The following SLIT3 variants were observed in gnomAD, a reference collection of about 807,000 sequenced individuals.
The protein encoded by SLIT3 is slit guidance ligand 3, also known as slit homolog 3 protein.
SLIT3 carries 68 observed loss-of-function variants against 184.0 expected under a neutral mutation model. The ratio of observed to expected loss-of-function variants is 0.37; its 90% CI spans 0.30 to 0.45. SLIT3 has a LOEUF of 0.45. SLIT3 is among the 20% of genes least tolerant of loss of function. The pLI is 1.00. For synonymous variants in SLIT3, 831 were observed against 828.6 expected (o/e 1.00, Z -0.05); for missense variants, 1,707 against 2,026.0 (o/e 0.84, Z 3.02).
At position 168,666,231 on chromosome 5, in the gene SLIT3, G is replaced by GATGGTGTAATATATTTATAT; in HGVS notation, c.*203_*222dup. 2 of 426,138 alleles carry GATGGTGTAATATATTTATAT rather than the reference G, an allele frequency of 4.7e-6. No homozygotes were observed. The highest frequency in any genetic ancestry group is 8.2e-6 in the Non-Finnish European group (2 of 244,626). 26.4% of individuals were successfully genotyped at this position (426,138 alleles called of 1,614,324 possible). On this transcript the variant is annotated 3_prime_UTR_variant, in exon 36 of 36. Transcript: ENST00000519560. ...ACTCACTATATGGTACATATACGCAGATGGTGTAATATATTTATATAATAA... is the reference window on the plus strand; with the variant it reads ...ACTCACTATATGGTACATATACGCAGATGGTGTAATATATTTATATATGGTGTAATATATTTATATAATAA...
intron 4 of SLIT3, among the ~76,000 whole-genome samples, chr5:169,028,141 C>T (rs1382967748): frequency 6.6e-6 from 1 of 151,952 alleles, no homozygotes; most frequent in Non-Finnish European, 1.5e-5. Context: ...GAGTTTAATC[C>T]CCAAATATTC....
At chr5:168,694,866 G>C (rs946516925) in intron 28 of SLIT3, among the ~76,000 whole-genome samples, 4 of 152,330 alleles carry the variant, frequency 2.6e-5, no homozygotes, top group East Asian at 1.9e-4. Flanking sequence ...TGATCTGCCT[G>C]CCTTGGCCTC....
At chr5:168,804,919 G>T (rs901901143) in intron 9 of SLIT3, among the ~76,000 whole-genome samples, 2 of 152,108 alleles carry the variant, frequency 1.3e-5, no homozygotes, top group African/African-American at 4.8e-5. Context: ...AGCCACACTG[G>T]CCTTCTGGAG....
At chr5:168,688,943 T>G (rs1761826754) in intron 29 of SLIT3, among the ~76,000 whole-genome samples, 1 of 152,234 alleles carries the variant, frequency 6.6e-6, no homozygotes, top group African/African-American at 2.4e-5. Context: ...AAGCCTGGAC[T>G]TCAAGGCTAC....
At chr5:169,251,598 G>A (rs1765776315) in intron 1 of SLIT3, 139 bp from the exon 2 acceptor site, 1 of 661,926 alleles carries the variant, frequency 1.5e-6, no homozygotes. Context: ...CCTTGAGCGT[G>A]CCCGGCTAAC....
intron 4 of SLIT3, among the ~76,000 whole-genome samples, chr5:168,955,975 G>C (rs1053699792): frequency 2.0e-5 from 3 of 152,252 alleles, no homozygotes; most frequent in Non-Finnish European, 4.4e-5. Flanking sequence ...AAGCATCTGG[G>C]CTGTGTCCAT....
At chr5:168,787,409 G>A (rs898798526) in intron 11 of SLIT3, among the ~76,000 whole-genome samples, 2 of 152,136 alleles carry the variant, frequency 1.3e-5, no homozygotes, top group Non-Finnish European at 2.9e-5. Flanking sequence ...CTGCCTGTGT[G>A]GTCTCCTCAG....
intron 4 of SLIT3, among the ~76,000 whole-genome samples, chr5:168,971,948 G>A (rs1313586805): frequency 6.6e-6 from 1 of 152,208 alleles, no homozygotes; most frequent in Non-Finnish European, 1.5e-5. Flanking sequence ...TAGGGAAATA[G>A]GGAACACATA....
chr5:168,748,535 CCT>C (rs1419990389), intron 19 of SLIT3, 101 bp from the exon 20 acceptor site: 8 of 1,189,784 alleles, frequency 6.7e-6, no homozygotes, highest in Non-Finnish European at 7.8e-6. Flanking sequence ...CAAGTTGTCC[CCT>C]GTCCCCGCTG....
intron 16 of SLIT3, among the ~76,000 whole-genome samples, chr5:168,757,101 G>T (rs1486609609): frequency 2.0e-5 from 3 of 152,176 alleles, no homozygotes; most frequent in Non-Finnish European, 4.4e-5. Flanking sequence ...AAACACTCCA[G>T]AAACAAAACA....
At chr5:168,804,854 T>C (rs568809892) in intron 9 of SLIT3, among the ~76,000 whole-genome samples, 1 of 152,256 alleles carries the variant, frequency 6.6e-6, no homozygotes, top group Non-Finnish European at 1.5e-5. Context: ...ATGCGGCCCC[T>C]CCTTACCTCT....
At chr5:169,067,557 A>G (rs1342478526) in intron 4 of SLIT3, among the ~76,000 whole-genome samples, 1 of 152,256 alleles carries the variant, frequency 6.6e-6, no homozygotes, top group Non-Finnish European at 1.5e-5. Context: ...TCTCAGTCCA[A>G]TGCTGATGTT....
At chr5:168,932,258 G>GTTTGTT (rs763321364) in intron 4 of SLIT3, among the ~76,000 whole-genome samples, 1 of 103,556 alleles carries the variant, frequency 9.7e-6, no homozygotes, top group Non-Finnish European at 2.0e-5. Flanking sequence ...TTGTTGTTGT[G>GTTTGTT]TTTTTTTTTT....
intron 4 of SLIT3, among the ~76,000 whole-genome samples, chr5:169,110,140 G>A (rs904904890): frequency 3.3e-5 from 5 of 152,092 alleles, no homozygotes; most frequent in East Asian, 3.9e-4. Context: ...GAGCCACCAC[G>A]CCTAGCCATG....
At chr5:168,776,817 C>G (rs1001783869) in intron 12 of SLIT3, among the ~76,000 whole-genome samples, 3 of 152,088 alleles carry the variant, frequency 2.0e-5, no homozygotes, top group Admixed American at 1.3e-4. Flanking sequence ...ATGGACCCTT[C>G]ACACACACAG....
chr5:168,830,879 G>A (rs1255831300), intron 6 of SLIT3, among the ~76,000 whole-genome samples: 3 of 152,168 alleles, frequency 2.0e-5, no homozygotes, highest in Non-Finnish European at 4.4e-5. Flanking sequence ...TTTTTCCAAG[G>A]TGGAGGTGAA....
At chr5:169,126,279 A>G (rs1439589053) in intron 4 of SLIT3, among the ~76,000 whole-genome samples, 1 of 152,164 alleles carries the variant, frequency 6.6e-6, no homozygotes, top group Non-Finnish European at 1.5e-5. Context: ...TTAAAAAGCA[A>G]ATGTATTTAA....
chr5:169,147,153 A>G (rs1158068410), intron 4 of SLIT3, among the ~76,000 whole-genome samples: 2 of 152,240 alleles, frequency 1.3e-5, no homozygotes, highest in African/African-American at 4.8e-5. Context: ...GGCTAGATAC[A>G]TCTTTGGGTA....
intron 4 of SLIT3, among the ~76,000 whole-genome samples, chr5:169,020,744 T>C (rs1425333506): frequency 2.0e-5 from 3 of 152,196 alleles, no homozygotes; most frequent in South Asian, 4.1e-4. Context: ...AAGGGATTGC[T>C]ACCTATGTAA....
Sources: gnomAD v4.1 joint callset for allele counts (sites outside exome capture counted in the v4.1 genomes callset) on GRCh38, gnomAD v4.1.1 for gene constraint, MANE v1.5 for transcripts, NCBI Gene and HGNC (gene_info 2026-07-23, HGNC 2026-07-21) for gene names.